The following CNTNAP3B variants were observed in gnomAD, a reference collection of about 807,000 sequenced individuals.
The protein encoded by CNTNAP3B is contactin associated protein family member 3B, also known as contactin-associated protein-like 3B.
Under a neutral mutation model 108.9 loss-of-function variants are expected in CNTNAP3B, and 25 were observed. The ratio of observed to expected loss-of-function variants is 0.23; its 90% confidence interval spans 0.17 to 0.32. CNTNAP3B has a LOEUF of 0.32. Ranked by LOEUF, CNTNAP3B falls within the 10% of genes least tolerant of loss-of-function variation. The probability of loss-of-function intolerance (pLI) is 1.00; values close to 1 mark genes in which losing one functional copy is unlikely to be tolerated. For missense variants in CNTNAP3B, 252 were observed against 1,210.4 expected (o/e 0.21, Z 11.75); for synonymous variants, 103 against 473.4 (o/e 0.22, Z 10.16).
intron 15 of CNTNAP3B, among the ~76,000 whole-genome samples, chr9:41,927,657 T>A (rs1283666933): frequency 8.6e-5 from 13 of 151,232 alleles, no homozygotes; most frequent in African/African-American, 3.1e-4. Context: ...ATGGGAATAA[T>A]ATAAAAACCA....
chr9:41,953,534 C>A (rs1824763984), intron 12 of CNTNAP3B, 148 bp from the exon 13 acceptor site: 3 of 831,240 alleles, frequency 3.6e-6, no homozygotes, highest in Non-Finnish European at 5.6e-6. Flanking sequence ...ACCTGTGTAA[C>A]AATGTACTGA....
At chr9:42,063,187 C>A (rs559955563) in intron 3 of CNTNAP3B, among the ~76,000 whole-genome samples, 3 of 129,726 alleles carry the variant, frequency 2.3e-5, no homozygotes, top group African/African-American at 9.4e-5. Flanking sequence ...TCTTTCAGCC[C>A]GAAGAACTTC....
chr9:42,114,984 G>A (rs1828280619), intron 1 of CNTNAP3B, among the ~76,000 whole-genome samples: 1 of 137,072 alleles, frequency 7.3e-6, no homozygotes, highest in South Asian at 2.4e-4. Flanking sequence ...AACCCGGGAG[G>A]TGGAGGTTGC....
chr9:42,113,571 G>A (rs920201585), intron 1 of CNTNAP3B, among the ~76,000 whole-genome samples: 1 of 139,328 alleles, frequency 7.2e-6, no homozygotes, highest in Non-Finnish European at 1.5e-5. Context: ...AATTTAAAAA[G>A]AAAATCATGT....
At chr9:41,961,935 A>G (rs1283751788) in intron 11 of CNTNAP3B, among the ~76,000 whole-genome samples, 2 of 152,308 alleles carry the variant, frequency 1.3e-5, no homozygotes, top group Non-Finnish European at 2.9e-5. Flanking sequence ...TGATTTAAAT[A>G]GATACATATA....
intron 1 of CNTNAP3B, among the ~76,000 whole-genome samples, chr9:42,105,836 G>A (rs1404208245): frequency 4.8e-5 from 4 of 82,752 alleles, no homozygotes. Context: ...CACACATTAA[G>A]ATATGTCTGT....
At chr9:42,086,139 G>A (rs1481830790) in intron 2 of CNTNAP3B, among the ~76,000 whole-genome samples, 1 of 140,826 alleles carries the variant, frequency 7.1e-6, no homozygotes, top group African/African-American at 2.8e-5. Context: ...ATTTTACGTG[G>A]CAGCAAACAA....
At position 41,953,169 on chromosome 9, in the gene CNTNAP3B, G is replaced by T. The variant is rs1361721691; in HGVS notation, c.2080+14C>A. 2.0e-6 allele frequency: 3 copies of T among 1,516,496 alleles called. No homozygotes were observed. The highest frequency in any genetic ancestry group is 2.6e-5 in the East Asian group (1 of 38,168). 93.9% of individuals were successfully genotyped at this position (1,516,496 alleles called of 1,614,324 possible). A position where few individuals can be genotyped will look rare whatever the true frequency, so the allele number is the denominator to read the frequency against. ...GCCTCGTGAGCCCCTGTAGCCTCCA[G>T]CAGTGGCGCTTACCTCGTGAGTCCG... On this transcript the variant is annotated intron_variant, in intron 13 of 23. Transcript: ENST00000377561.
rs1468624428 is a variant in CNTNAP3B at position 42,123,960 on chromosome 9, G to A, written c.85+5050C>T. On this transcript the variant is annotated intron_variant, in intron 1 of 23. Transcript: ENST00000377561. ...AAACACATCTGTGAATTAGAAGCAA[G>A]TAATATCCTCTGTTTTTATACTCTC... Among the ~76,000 whole-genome samples the A allele has an allele frequency of 4.2e-4, 52 of 125,052 alleles. 4 individuals are homozygous for A. The highest frequency in any genetic ancestry group is 7.5e-4 in the East Asian group (3 of 4,008). 82.0% of individuals were successfully genotyped at this position (125,052 alleles called of 152,430 possible). A position where few individuals can be genotyped will look rare whatever the true frequency, so the allele number is the denominator to read the frequency against.
At chr9:42,118,206 T>G (rs1285547855) in intron 1 of CNTNAP3B, among the ~76,000 whole-genome samples, 3 of 138,354 alleles carry the variant, frequency 2.2e-5, no homozygotes, top group Non-Finnish European at 4.6e-5. Flanking sequence ...TACCAAAGCC[T>G]GGCAGAGACA....
intron 10 of CNTNAP3B, among the ~76,000 whole-genome samples, chr9:41,966,834 G>A (rs1404279473): frequency 6.6e-6 from 1 of 150,740 alleles, no homozygotes; most frequent in Admixed American, 6.6e-5. Flanking sequence ...AGGTGTGGTG[G>A]CGGGCGCCTG....
At chr9:42,075,408 C>A (rs1310639388) in intron 3 of CNTNAP3B, among the ~76,000 whole-genome samples, 2 of 138,510 alleles carry the variant, frequency 1.4e-5, no homozygotes, top group Non-Finnish European at 3.1e-5. Context: ...GAGCGGGCAC[C>A]AGGAAAGTAA....
At chr9:41,934,112 T>TATATATATACACAC (rs1824070637) in intron 14 of CNTNAP3B, among the ~76,000 whole-genome samples, 3 of 126,350 alleles carry the variant, frequency 2.4e-5, no homozygotes, top group African/African-American at 9.1e-5. Flanking sequence ...TATATATATA[T>TATATATATACACAC]ATATATATAT....
intron 13 of CNTNAP3B, among the ~76,000 whole-genome samples, chr9:41,943,026 G>A (rs1276312990): frequency 1.3e-5 from 2 of 152,258 alleles, no homozygotes; most frequent in African/African-American, 4.8e-5. Flanking sequence ...ATGCAGTTAT[G>A]ACAGATTTGG....
intron 2 of CNTNAP3B, among the ~76,000 whole-genome samples, chr9:42,095,165 C>T (rs1409240476): frequency 3.7e-5 from 5 of 135,610 alleles, no homozygotes; most frequent in Admixed American, 3.6e-4. Context: ...CAACATCTCC[C>T]CCTTCCCTAT....
intron 3 of CNTNAP3B, among the ~76,000 whole-genome samples, chr9:42,029,476 T>C (rs1826473478): frequency 8.1e-6 from 1 of 122,716 alleles, no homozygotes; most frequent in Non-Finnish European, 1.7e-5. Context: ...ATAACCCTTG[T>C]TGACATACAA....
intron 1 of CNTNAP3B, among the ~76,000 whole-genome samples, chr9:42,125,784 T>A (rs1828556775): frequency 7.5e-6 from 1 of 132,526 alleles, no homozygotes; most frequent in South Asian, 2.5e-4. Flanking sequence ...GCCCTGAAAT[T>A]TTTTCATATT....
At chr9:41,941,975 C>A (rs1183990578) in intron 13 of CNTNAP3B, among the ~76,000 whole-genome samples, 2 of 152,416 alleles carry the variant, frequency 1.3e-5, no homozygotes, top group South Asian at 4.1e-4. Context: ...AAGCGCTGAA[C>A]ATTATGTTCT....
chr9:41,913,385 T>A (rs1461074271), intron 18 of CNTNAP3B, among the ~76,000 whole-genome samples: 4 of 150,568 alleles, frequency 2.7e-5, no homozygotes, highest in Non-Finnish European at 6.0e-5. Flanking sequence ...CATCTGCCAT[T>A]TTCTTTTTCT....
Sources: allele counts gnomAD v4.1 joint callset (sites outside exome capture counted in the v4.1 genomes callset), GRCh38; gene constraint gnomAD v4.1.1; transcripts MANE v1.5; gene names NCBI Gene and HGNC (gene_info 2026-07-23, HGNC 2026-07-21).